The following TTC39B variants were observed in gnomAD, a reference collection of about 807,000 sequenced individuals.
TTC39B encodes tetratricopeptide repeat protein 39B.
TTC39B carries 92 observed loss-of-function variants against 96.6 expected under a neutral mutation model. The ratio of observed to expected loss-of-function variants is 0.95; its 90% CI spans 0.80 to 1.13. TTC39B has a LOEUF of 1.13. TTC39B is among the 50% of genes most tolerant of loss of function. TTC39B has a pLI of 0.00. For missense variants in TTC39B, 955 were observed against 809.3 expected (o/e 1.18, Z -2.18); for synonymous variants, 367 against 299.4 (o/e 1.23, Z -2.33).
intron 2 of TTC39B, among the ~76,000 whole-genome samples, chr9:15,239,417 A>G (rs1821935318): frequency 6.6e-6 from 1 of 152,246 alleles, no homozygotes; most frequent in Admixed American, 6.5e-5. Flanking sequence ...ACTGCCTGGT[A>G]TCTACCCAAA....
At chr9:15,302,539 C>CA (rs145173046) in intron 1 of TTC39B, among the ~76,000 whole-genome samples, 8,706 of 46,680 alleles carry the variant, frequency 0.19, 1,661 homozygotes, top group Admixed American at 0.24. Flanking sequence ...GATTCCGTCT[C>CA]AAAAAAAAAA....
intron 3 of TTC39B, among the ~76,000 whole-genome samples, chr9:15,220,590 A>C (rs1820788526): frequency 6.6e-6 from 1 of 152,242 alleles, no homozygotes; most frequent in African/African-American, 2.4e-5. Context: ...ATGCAATAAA[A>C]GGAATGATAT....
chr9:15,301,528 G>A (rs1288946108), intron 1 of TTC39B, among the ~76,000 whole-genome samples: 3 of 152,152 alleles, frequency 2.0e-5, no homozygotes, highest in Non-Finnish European at 4.4e-5. Flanking sequence ...GCCCAGGTGG[G>A]CGAATCACCT....
At position 15,172,041 on chromosome 9, in the gene TTC39B, C is replaced by T. The variant is rs771017079; in HGVS notation, c.2027G>A (p.Trp676Ter). The stretch of plus-strand genomic sequence containing the variant: ...TGATCAATCTGAGGAAGGTTTTCTC[C>T]AGAGGTGAAGAGCTGCCTGAATTCT... Residue 676 changes from tryptophan (W) to a stop codon, truncating the protein, a stop_gained, in exon 20 of 20, where the codon TGG becomes TAG. Transcript: ENST00000512701. LOFTEE classifies it high-confidence loss of function. The T allele has an allele frequency of 1.2e-6, 2 of 1,612,440 alleles. No individual in the cohort carries two copies. Among genetic ancestry groups the T allele is most frequent in the Non-Finnish European group, 1.7e-6 (2 of 1,178,922 alleles).
intron 8 of TTC39B, among the ~76,000 whole-genome samples, chr9:15,196,020 A>C (rs1186046315): frequency 6.6e-6 from 1 of 152,256 alleles, no homozygotes; most frequent in Non-Finnish European, 1.5e-5. Context: ...CCAGTGCTCT[A>C]TAATTAAAAC....
intron 1 of TTC39B, 78 bp downstream of exon 1, chr9:15,307,006 T>C (rs1824773302): frequency 6.4e-7 from 1 of 1,557,254 alleles, no homozygotes; most frequent in Non-Finnish European, 8.7e-7. Context: ...TCGGCCGTCC[T>C]AGCCGGGCTC....
intron 4 of TTC39B, among the ~76,000 whole-genome samples, chr9:15,212,398 T>A (rs996271628): frequency 2.1e-4 from 29 of 138,518 alleles, no homozygotes; most frequent in African/African-American, 5.6e-4. Flanking sequence ...AAAAAAAAAA[T>A]GATTCAAGTG....
intron 2 of TTC39B, among the ~76,000 whole-genome samples, chr9:15,238,461 C>T (rs1262501165): frequency 6.6e-6 from 1 of 152,150 alleles, no homozygotes; most frequent in East Asian, 1.9e-4. Flanking sequence ...AATCAACGTA[C>T]AAAAATCAGT....
intron 8 of TTC39B, among the ~76,000 whole-genome samples, chr9:15,196,185 G>C (rs983369654): frequency 1.3e-5 from 2 of 152,234 alleles, no homozygotes; most frequent in African/African-American, 4.8e-5. Context: ...TTCTGAAAGA[G>C]ATGTATGCAA....
chr9:15,268,891 T>C (rs575196150), intron 1 of TTC39B, among the ~76,000 whole-genome samples: 114 of 152,288 alleles, frequency 7.5e-4, no homozygotes, highest in Admixed American at 2.7e-3. Flanking sequence ...TCAAGAGCTT[T>C]CCATTGCATT....
rs187887492 is a variant in TTC39B, at chr9:15,263,867, G to C, written c.275+4047C>G. Among the ~76,000 whole-genome samples, 210 of 152,206 alleles carry C rather than the reference G, an allele frequency of 1.4e-3. No individual in the cohort carries two copies. The South Asian group carries it at 0.019, about 14-fold the overall frequency. ...TGGAACAATTCAGCAACATTGAAAA[G>C]GACACACAAACGTTTAAGCGACAGT... On this transcript the variant is annotated intron_variant, in intron 2 of 19. Coordinates refer to ENST00000512701, the Ensembl canonical transcript of TTC39B.
At chr9:15,202,035 G>C (rs1819570649) in intron 7 of TTC39B, among the ~76,000 whole-genome samples, 1 of 152,192 alleles carries the variant, frequency 6.6e-6, no homozygotes, top group Non-Finnish European at 1.5e-5. Context: ...ACTTCTTCTA[G>C]AACAATGATA....
intron 19 of TTC39B, among the ~76,000 whole-genome samples, chr9:15,172,425 C>G (rs1262306402): frequency 6.6e-6 from 1 of 152,040 alleles, no homozygotes; most frequent in Non-Finnish European, 1.5e-5. Context: ...TGAACTAGTC[C>G]TAAATAATTA....
chr9:15,254,021 G>A (rs149326217), intron 2 of TTC39B, among the ~76,000 whole-genome samples: 66 of 152,110 alleles, frequency 4.3e-4, no homozygotes, highest in African/African-American at 1.4e-3. Context: ...ATGTGGACTC[G>A]AGACTTCCTG....
intron 1 of TTC39B, among the ~76,000 whole-genome samples, chr9:15,298,010 G>T (rs1333810517): frequency 6.6e-6 from 1 of 152,176 alleles, no homozygotes; most frequent in Non-Finnish European, 1.5e-5. Flanking sequence ...GGGTAAGGAA[G>T]ACCTACCCTC....
chr9:15,296,496 A>C (rs1824380504), intron 1 of TTC39B, among the ~76,000 whole-genome samples: 1 of 152,214 alleles, frequency 6.6e-6, no homozygotes, highest in Admixed American at 6.5e-5. Context: ...CTGTCAAAAA[A>C]AGCAATTTTT....
At chr9:15,213,856 T>A (rs1286238117) in intron 4 of TTC39B, among the ~76,000 whole-genome samples, 2 of 152,152 alleles carry the variant, frequency 1.3e-5, no homozygotes, top group Non-Finnish European at 2.9e-5. Context: ...AACATTTCAC[T>A]GAAGAAAGCA....
intron 13 of TTC39B, among the ~76,000 whole-genome samples, chr9:15,189,127 C>T (rs565181981): frequency 2.6e-4 from 39 of 152,268 alleles, no homozygotes; most frequent in African/African-American, 8.4e-4. Context: ...ACATAAATGG[C>T]TCCTTACTTT....
intron 18 of TTC39B, 47 bp from the exon 19 acceptor site, chr9:15,175,182 TAC>T (rs1564308231): frequency 7.8e-7 from 1 of 1,288,070 alleles, no homozygotes; most frequent in Admixed American, 1.7e-5. Context: ...GAACAAGAAA[TAC>T]ACATTTTTCT....
Sources: allele counts gnomAD v4.1 joint callset (sites outside exome capture counted in the v4.1 genomes callset), GRCh38; gene constraint gnomAD v4.1.1; transcripts MANE v1.5; gene names NCBI Gene and HGNC (gene_info 2026-07-23, HGNC 2026-07-21).